DGKI: variants seen among roughly 807,000 people sequenced by gnomAD.
DGKI encodes the protein diacylglycerol kinase iota, also known as DAG kinase iota.
In DGKI, 55 loss-of-function variants were observed where a neutral mutation model predicts 147.5. That is an observed-to-expected ratio of 0.37 (90% confidence interval 0.30 to 0.47). DGKI has a LOEUF of 0.47. Among genes scored for constraint, DGKI ranks in the 20% least tolerant of loss-of-function variants. The pLI is 1.00. For missense variants in DGKI, 1,007 were observed against 1,323.8 expected (o/e 0.76, Z 3.71); for synonymous variants, 469 against 477.1 (o/e 0.98, Z 0.22).
chr7:137,769,804 G>A (rs1183879815), intron 1 of DGKI, among the ~76,000 whole-genome samples: 2 of 152,174 alleles, frequency 1.3e-5, no homozygotes, highest in African/African-American at 4.8e-5. Context: ...AACGGCAATT[G>A]TTAAAAAGTC....
intron 30 of DGKI, among the ~76,000 whole-genome samples, chr7:137,407,204 A>G (rs1162684549): frequency 6.6e-6 from 1 of 152,214 alleles, no homozygotes; most frequent in East Asian, 1.9e-4. Context: ...TCAATGTAAC[A>G]GTTTAGATTT....
intron 21 of DGKI, among the ~76,000 whole-genome samples, chr7:137,497,920 T>C (rs965517614): frequency 2.0e-5 from 3 of 152,106 alleles, no homozygotes; most frequent in Non-Finnish European, 4.4e-5. Flanking sequence ...AAAATTTACC[T>C]GTATAATAAA....
chr7:137,452,000 A>G (rs1813986073), intron 27 of DGKI, among the ~76,000 whole-genome samples: 1 of 152,182 alleles, frequency 6.6e-6, no homozygotes, highest in Non-Finnish European at 1.5e-5. Flanking sequence ...AGTCTTTCCT[A>G]AAGAACAGAG....
chr7:137,431,523 T>A (rs908740419), intron 28 of DGKI, among the ~76,000 whole-genome samples: 1 of 152,184 alleles, frequency 6.6e-6, no homozygotes, highest in African/African-American at 2.4e-5. Context: ...AGTGGGTCTG[T>A]GGCAAGGTGT....
In DGKI at chr7:137,689,895, C is replaced by T. The variant is rs1297322906; in HGVS notation, c.509G>A (p.Ser170Asn). Residue 170 changes from serine (S) to asparagine (N), a missense_variant and splice_region_variant, in exon 2 of 33, where the codon AGT becomes AAT. Ser to Asn is a conservative substitution (Grantham distance 46). Coordinates refer to ENST00000614521, the MANE Select transcript of DGKI (RefSeq NM_001321708.2). ...AKEPRATLDW[S>N]ENAVNGEHLW... ...TTAAATGAAAAGGCCAACACCTACA[C>T]TCCAGTCCAAAGTCGCTCTGGGCTC... The T allele has an allele frequency of 6.3e-7, 1 of 1,575,392 alleles. No homozygotes were observed. The highest frequency in any genetic ancestry group is 8.6e-7 in the Non-Finnish European group (1 of 1,163,648).
At chr7:137,618,228 T>TA (rs753221341) in intron 8 of DGKI, among the ~76,000 whole-genome samples, 61 of 126,348 alleles carry the variant, frequency 4.8e-4, no homozygotes, top group African/African-American at 7.0e-4. Flanking sequence ...TCACGGTTAT[T>TA]AAAAAAAAAA....
intron 14 of DGKI, among the ~76,000 whole-genome samples, chr7:137,583,050 G>A (rs1464764444): frequency 2.0e-5 from 3 of 152,046 alleles, no homozygotes; most frequent in Non-Finnish European, 2.9e-5. Context: ...TGTTTCACTA[G>A]AAGGAGAACT....
intron 8 of DGKI, among the ~76,000 whole-genome samples, chr7:137,616,758 C>T (rs190414874): frequency 3.9e-4 from 59 of 152,118 alleles, no homozygotes; most frequent in Non-Finnish European, 6.2e-4. Context: ...AAAAAACAAC[C>T]ACTACTACAT....
At chr7:137,607,241 A>T (rs941241346) in intron 10 of DGKI, among the ~76,000 whole-genome samples, 16 of 152,200 alleles carry the variant, frequency 1.1e-4, no homozygotes, top group Non-Finnish European at 4.4e-5. Context: ...TTACCTCTGA[A>T]ATATCATAGC....
At chr7:137,555,187 T>C (rs1479102558) in intron 19 of DGKI, among the ~76,000 whole-genome samples, 1 of 151,392 alleles carries the variant, frequency 6.6e-6, no homozygotes, top group Non-Finnish European at 1.5e-5. Context: ...GTGCTGGGAT[T>C]ACAGGTGTGA....
rs144204561 is a variant in DGKI at position 137,474,797 on chromosome 7, C to T, written c.2374-5178G>A. ...CCCAATTAAGCAGCAAGCCCAGAGG[C>T]GGCGGAAGGCTGATGGGAAGCACAC... On this transcript the variant is annotated intron_variant, in intron 23 of 32. Transcript: ENST00000614521. Among the ~76,000 whole-genome samples the T allele has an allele frequency of 2.9e-3, 446 of 152,194 alleles. 2 individuals carry two copies. Among genetic ancestry groups the T allele is most frequent in the Non-Finnish European group, 4.1e-3 (278 of 68,014 alleles).
chr7:137,630,559 T>C (rs1306848750), intron 6 of DGKI, among the ~76,000 whole-genome samples: 1 of 152,192 alleles, frequency 6.6e-6, no homozygotes, highest in Non-Finnish European at 1.5e-5. Context: ...CCACGATATC[T>C]TCATTTCAGA....
intron 28 of DGKI, among the ~76,000 whole-genome samples, chr7:137,414,191 C>A (rs1812273288): frequency 6.6e-6 from 1 of 152,072 alleles, no homozygotes; most frequent in Non-Finnish European, 1.5e-5. Context: ...ATGCAAAGGA[C>A]CATAAGAATG....
chr7:137,413,106 C>A (rs1317555240), intron 28 of DGKI, among the ~76,000 whole-genome samples: 1 of 151,752 alleles, frequency 6.6e-6, no homozygotes, highest in Non-Finnish European at 1.5e-5. Context: ...CCCGTCTCTA[C>A]CAAAAATACA....
chr7:137,791,644 T>C (rs1356625773), intron 1 of DGKI, among the ~76,000 whole-genome samples: 8 of 152,240 alleles, frequency 5.3e-5, no homozygotes. Context: ...AGAGATGCTC[T>C]GGTAATGAAC....
At chr7:137,736,019 C>T (rs948452345) in intron 1 of DGKI, among the ~76,000 whole-genome samples, 1 of 152,052 alleles carries the variant, frequency 6.6e-6, no homozygotes, top group African/African-American at 2.4e-5. Flanking sequence ...GAGCACTGGA[C>T]ACAGGGCCCC....
chr7:137,517,132 G>T (rs951252028), intron 21 of DGKI, among the ~76,000 whole-genome samples: 2 of 150,312 alleles, frequency 1.3e-5, no homozygotes, highest in Admixed American at 1.3e-4. Context: ...GACAAAGCCA[G>T]ATTGGAAGAT....
chr7:137,574,019 C>T (rs1585245182), intron 17 of DGKI, among the ~76,000 whole-genome samples: 2 of 152,326 alleles, frequency 1.3e-5, no homozygotes, highest in East Asian at 3.9e-4. Context: ...TCCCCATTAC[C>T]TTCTCATTTG....
intron 3 of DGKI, among the ~76,000 whole-genome samples, chr7:137,672,766 C>CTTTTTTTTTTTTTTT (rs60078498): frequency 4.6e-5 from 3 of 65,690 alleles, no homozygotes; most frequent in African/African-American, 2.2e-4. Context: ...CTCTGTGTGT[C>CTTTTTTTTTTTTTTT]TTTTTTTTTT....
Sources: gnomAD v4.1 joint callset for allele counts (sites outside exome capture counted in the v4.1 genomes callset) on GRCh38, gnomAD v4.1.1 for gene constraint, MANE v1.5 for transcripts, NCBI Gene and HGNC (gene_info 2026-07-23, HGNC 2026-07-21) for gene names.